XRN1: variants seen among roughly 807,000 people sequenced by gnomAD.
The protein encoded by XRN1 is 5'-3' exoribonuclease 1.
In XRN1, 67 loss-of-function variants were observed where a neutral mutation model predicts 222.3. The ratio of observed to expected loss-of-function variants is 0.30; its 90% CI spans 0.25 to 0.37. The LOEUF (loss-of-function observed/expected upper bound fraction) is 0.37. Among genes scored for constraint, XRN1 ranks in the 10% least tolerant of loss-of-function variants. XRN1 has a pLI of 1.00. For synonymous variants in XRN1, 643 were observed against 652.4 expected, an observed-to-expected ratio of 0.99 and a Z score of 0.22; for missense variants, 1,707 against 2,000.2, an observed-to-expected ratio of 0.85 and a Z score of 2.80.
Position 142,312,503 on chromosome 3 carries a change from G to T in XRN1, c.4782+95C>A, listed in dbSNP as rs1300337866. The T allele has an allele frequency of 1.2e-5, 16 of 1,295,716 alleles. No homozygotes were observed. The Admixed American group carries it at 1.7e-4, about 14-fold the overall frequency. 80.3% of individuals were successfully genotyped at this position (1,295,716 alleles called of 1,614,324 possible). A position where few individuals can be genotyped will look rare whatever the true frequency, so the allele number is the denominator to read the frequency against. On this transcript the variant is annotated intron_variant, in intron 40 of 40. Transcript: ENST00000392981. ...TACCCACACTAGTACTGAACTTCTAGTTGGCACTGAATAAGTAAACTGAAT... is the reference window on the plus strand; with the variant it reads ...TACCCACACTAGTACTGAACTTCTATTTGGCACTGAATAAGTAAACTGAAT...
At chr3:142,322,194 T>G (rs2107878144) in intron 37 of XRN1, among the ~76,000 whole-genome samples, 1 of 152,304 alleles carries the variant, frequency 6.6e-6, no homozygotes, top group Non-Finnish European at 1.5e-5. Context: ...AGGGAGGCAC[T>G]GAGATCAAAT....
chr3:142,431,878 T>TATATA (rs1455065414), intron 2 of XRN1, among the ~76,000 whole-genome samples: 5 of 55,598 alleles, frequency 9.0e-5, no homozygotes, highest in African/African-American at 5.2e-4. Flanking sequence ...TATTATATTA[T>TATATA]ATATATTATA....
intron 34 of XRN1, 73 bp downstream of exon 34, chr3:142,335,375 C>T: frequency 7.2e-7 from 1 of 1,390,114 alleles, no homozygotes; most frequent in Non-Finnish European, 1.0e-6. Context: ...TTGAGAAATT[C>T]AGTCCAATGC....
intron 13 of XRN1, among the ~76,000 whole-genome samples, 173 bp downstream of exon 13, chr3:142,416,965 ATT>A (rs2068811880): frequency 1.4e-5 from 2 of 145,774 alleles, no homozygotes; most frequent in South Asian, 4.6e-4. Context: ...GGAGGCGGAG[ATT>A]GCAATGAGCC....
chr3:142,393,342 T>A (rs1279918496), intron 20 of XRN1, among the ~76,000 whole-genome samples: 1 of 145,838 alleles, frequency 6.9e-6, no homozygotes, highest in Non-Finnish European at 1.5e-5. Context: ...AGATCCCATT[T>A]GTCAATTTTG....
At chr3:142,420,954 A>G (rs1265886187) in intron 10 of XRN1, 62 bp downstream of exon 10, 9 of 1,598,220 alleles carry the variant, frequency 5.6e-6, no homozygotes, top group Non-Finnish European at 7.7e-6. Flanking sequence ...AATGAGAAAC[A>G]AAGAATATAA....
At chr3:142,389,417 C>T in intron 20 of XRN1, among the ~76,000 whole-genome samples, 1 of 152,112 alleles carries the variant, frequency 6.6e-6, no homozygotes, top group Non-Finnish European at 1.5e-5. Context: ...TTTCAAATTC[C>T]TGCTAATGTT....
At chr3:142,355,559 A>C in intron 31 of XRN1, 63 bp from the exon 32 acceptor site, 1 of 1,093,890 alleles carries the variant, frequency 9.1e-7, no homozygotes, top group Non-Finnish European at 1.3e-6. Context: ...TACATATTAA[A>C]AATCAAATAA....
rs2065001175 is a variant in XRN1 at position 142,307,928 on chromosome 3, A to G, written c.*3583T>C. 1 of 151,956 alleles carries G rather than the reference A, an allele frequency of 6.6e-6. No homozygotes were observed. The highest frequency in any genetic ancestry group is 2.4e-5 in the African/African-American group (1 of 41,402). The allele number at this position is 151,956 out of a possible 1,614,324, so 9.4% of individuals were successfully genotyped here. ...TTTCACAGCCACTTCTCTACAATAA[A>G]TTAATTGTCTTCTACAGTAAAAACA... On this transcript the variant is annotated 3_prime_UTR_variant, in exon 41 of 41. Coordinates refer to ENST00000392981, the MANE Select transcript of XRN1 (RefSeq NM_001282857.2).
At chr3:142,429,907 G>A (rs1311652672) in intron 2 of XRN1, 1 of 152,248 alleles carries the variant, frequency 6.6e-6, no homozygotes, top group Non-Finnish European at 1.5e-5. Flanking sequence ...ATCTTTAGAG[G>A]TGCTGATAAG....
chr3:142,410,457 C>T (rs1360432800), intron 15 of XRN1, among the ~76,000 whole-genome samples: 2 of 144,132 alleles, frequency 1.4e-5, no homozygotes, highest in East Asian at 2.0e-4. Flanking sequence ...GAGTATTATC[C>T]TTCTTATACG....
rs2068187968 is a variant in XRN1, at chr3:142,402,685, G to A, written c.2103+989C>T. Among the ~76,000 whole-genome samples, 6 of 152,210 alleles carry A rather than the reference G, an allele frequency of 3.9e-5. No individual in the cohort carries two copies. The South Asian group carries it at 1.2e-3, about 32-fold the overall frequency. On this transcript the variant is annotated intron_variant, in intron 18 of 40. Transcript: ENST00000392981. ...ATACTGGTTAAGAAAGGCTGGCAAGGCAGTTCCGGTTAAACATCCTAGTGT... is the reference window on the plus strand; with the variant it reads ...ATACTGGTTAAGAAAGGCTGGCAAGACAGTTCCGGTTAAACATCCTAGTGT...
At chr3:142,319,021 T>C (rs1436883847) in intron 37 of XRN1, 118 bp from the exon 38 acceptor site, 1 of 864,576 alleles carries the variant, frequency 1.2e-6, no homozygotes, top group Non-Finnish European at 1.7e-6. Context: ...GGGCTTTCAG[T>C]TCAAGTTTTC....
At chr3:142,345,102 C>T (rs1172626971) in intron 33 of XRN1, among the ~76,000 whole-genome samples, 2 of 152,152 alleles carry the variant, frequency 1.3e-5, no homozygotes, top group East Asian at 3.9e-4. Flanking sequence ...CATCTACAGT[C>T]AATTACTTCT....
chr3:142,350,224 A>T (rs2066265898), intron 32 of XRN1, among the ~76,000 whole-genome samples: 1 of 152,112 alleles, frequency 6.6e-6, no homozygotes, highest in Non-Finnish European at 1.5e-5. Context: ...TGGCTGGAAA[A>T]GACCTTAGAG....
chr3:142,329,499 G>C lies in XRN1; in HGVS notation c.4339C>G (p.Leu1447Val). Residue 1447 changes from leucine to valine, a missense_variant, in exon 37 of 41, where the codon CTT becomes GTT. Physicochemically the swap from Leu to Val is conservative, Grantham distance 32 (BLOSUM62 1). Transcript: ENST00000392981. Reference protein sequence around the residue: ...IPPVSTPVTELSRICSLVGMP... With the variant: ...IPPVSTPVTEVSRICSLVGMP... ...CCAACAAGGGAACAAATTCGAGAAAGTTCAGTTACTGGTGTGGATACAGGA... is the reference window on the plus strand; with the variant it reads ...CCAACAAGGGAACAAATTCGAGAAACTTCAGTTACTGGTGTGGATACAGGA... 6.3e-7 allele frequency: 1 copy of C among 1,595,412 alleles called. No individual in the cohort carries two copies. The highest frequency in any genetic ancestry group is 8.5e-7 in the Non-Finnish European group (1 of 1,173,708).
intron 33 of XRN1, 85 bp from the exon 34 acceptor site, chr3:142,335,594 CTG>C: frequency 8.1e-7 from 1 of 1,227,366 alleles, no homozygotes. Flanking sequence ...TAGCAAGGCA[CTG>C]TGTTAAAAAT....
At chr3:142,394,848 CA>C (rs2107993888) in intron 20 of XRN1, among the ~76,000 whole-genome samples, 2 of 152,264 alleles carry the variant, frequency 1.3e-5, no homozygotes, top group South Asian at 4.1e-4. Flanking sequence ...ATTTGTTACA[CA>C]GGTATACAGA....
At chr3:142,315,680 A>C (rs9821271) in intron 39 of XRN1, among the ~76,000 whole-genome samples, 91,263 of 151,168 alleles carry the variant, frequency 0.6, 28,525 homozygotes, top group African/African-American at 0.78. Context: ...AGCTAATTTT[A>C]GAATTTTCGT....
Sources: gnomAD v4.1 joint callset for allele counts (sites outside exome capture counted in the v4.1 genomes callset) on GRCh38, gnomAD v4.1.1 for gene constraint, MANE v1.5 for transcripts, NCBI Gene and HGNC (gene_info 2026-07-23, HGNC 2026-07-21) for gene names.